The following ADAMTSL2 variants were observed in gnomAD, a reference collection of about 807,000 sequenced individuals.
ADAMTSL2 encodes the protein ADAMTS-like protein 2.
In ADAMTSL2, 55 loss-of-function variants were observed where a neutral mutation model predicts 117.0. The ratio of observed to expected loss-of-function variants is 0.47; its 90% confidence interval spans 0.38 to 0.59. The LOEUF (loss-of-function observed/expected upper bound fraction) is 0.59. Ranked by LOEUF, ADAMTSL2 falls within the 20% of genes least tolerant of loss-of-function variation. ADAMTSL2 has a pLI of 0.00. For missense variants in ADAMTSL2, 1,182 were observed against 1,354.5 expected, an observed-to-expected ratio of 0.87 and a Z score of 2.00; for synonymous variants, 572 against 566.4, an observed-to-expected ratio of 1.01 and a Z score of -0.14.
chr9:133,550,320 G>T (rs1199337268), intron 9 of ADAMTSL2, among the ~76,000 whole-genome samples: 1 of 152,258 alleles, frequency 6.6e-6, no homozygotes, highest in Non-Finnish European at 1.5e-5. Context: ...CTGCCTTTCA[G>T]CTGGCACTGT....
At position 133,537,540 on chromosome 9, in the gene ADAMTSL2, C is replaced by A. The variant is rs1380746518; in HGVS notation, c.226C>A (p.Gln76Lys). ...GVTSQERHCL[Q>K]QRRKSVPGPG... Reference sequence around the variant, plus strand: ...GACATCCCAGGAGCGGCACTGCCTGCAGCAGAGGTGCGAGGTTGGGCACGT... The same window carrying A: ...GACATCCCAGGAGCGGCACTGCCTGAAGCAGAGGTGCGAGGTTGGGCACGT... The change falls in exon 3 of 19, where the codon CAG becomes AAG. Residue 76 changes from glutamine (Q) to lysine (K), a missense_variant. Gln to Lys is a moderately conservative substitution (Grantham distance 53, BLOSUM62 1). Transcript: ENST00000651351. 5 of 1,348,530 alleles carry A rather than the reference C, an allele frequency of 3.7e-6. No homozygotes were observed. The highest frequency in any genetic ancestry group is 3.8e-6 in the Non-Finnish European group (4 of 1,041,036). The allele number at this position is 1,348,530 out of a possible 1,614,324, so 83.5% of individuals were successfully genotyped here. A position where few individuals can be genotyped will look rare whatever the true frequency, so the allele number is the denominator to read the frequency against.
In ADAMTSL2 at chr9:133,568,732, C is replaced by A. The variant is rs899110244; in HGVS notation, c.2218C>A (p.Gln740Lys). The A allele has an allele frequency of 5.6e-6, 9 of 1,613,058 alleles. No individual in the cohort carries two copies. The highest frequency in any genetic ancestry group is 7.6e-6 in the Non-Finnish European group (9 of 1,180,004). Residue 740 changes from glutamine (Q) to lysine (K), a missense_variant, in exon 15 of 19, where the codon CAG becomes AAG. By Grantham distance (53) the Gln-to-Lys change is moderately conservative (BLOSUM62 1). This residue lies in a region of ADAMTSL2 where 465 missense variants were observed against 565.3 expected (regional missense o/e 0.82). Coordinates refer to ENST00000651351, the MANE Select transcript of ADAMTSL2 (RefSeq NM_014694.4). ...KNCTGPPCDR[Q>K]WTVSDWGPCS... is the part of the protein sequence containing the mutation. ...CTGCACGGGCCCGCCCTGTGACCGG[C>A]AGTGGACCGTCTCCGACTGGGGACC...
intron 1 of ADAMTSL2, among the ~76,000 whole-genome samples, chr9:133,535,207 G>C (rs1830022533): frequency 6.6e-6 from 1 of 152,240 alleles, no homozygotes; most frequent in Admixed American, 6.5e-5. Flanking sequence ...CTGGCCAGAA[G>C]CCAGTGGTGT....
At chr9:133,572,244 G>A (rs1831125010) in intron 17 of ADAMTSL2, among the ~76,000 whole-genome samples, 2 of 151,384 alleles carry the variant, frequency 1.3e-5, no homozygotes, top group Non-Finnish European at 2.9e-5. Context: ...TCAGGAGGGA[G>A]AACACACACT....
At chr9:133,555,411 C>T (rs1242727508) in intron 10 of ADAMTSL2, 147 bp from the exon 11 acceptor site, 2 of 982,536 alleles carry the variant, frequency 2.0e-6, no homozygotes, top group Non-Finnish European at 3.0e-6. Flanking sequence ...CGAATTACGT[C>T]CTCTAGTTAG....
chr9:133,547,607 C>T (rs745412297), intron 9 of ADAMTSL2, among the ~76,000 whole-genome samples: 9 of 152,208 alleles, frequency 5.9e-5, no homozygotes, highest in Non-Finnish European at 1.2e-4. Flanking sequence ...CCGTGCTGGC[C>T]CATTTCCTGC....
intron 7 of ADAMTSL2, 146 bp downstream of exon 7, chr9:133,541,147 G>A: frequency 7.8e-7 from 1 of 1,276,262 alleles, no homozygotes; most frequent in South Asian, 1.3e-5. Flanking sequence ...CAGGCCGGGT[G>A]AGCTGGCCTG....
intron 7 of ADAMTSL2, 143 bp downstream of exon 7, chr9:133,541,144 G>A: frequency 7.6e-7 from 1 of 1,311,840 alleles, no homozygotes; most frequent in Non-Finnish European, 1.1e-6. Context: ...TCCCAGGCCG[G>A]GTGAGCTGGC....
intron 13 of ADAMTSL2, 115 bp downstream of exon 13, chr9:133,567,177 G>A (rs1426215935): frequency 2.7e-5 from 37 of 1,357,358 alleles, no homozygotes; most frequent in Admixed American, 1.8e-4. Context: ...GTGCAGGGCC[G>A]TGGGGGCTCT....
At chr9:133,562,775 T>C (rs34319746) in intron 12 of ADAMTSL2, among the ~76,000 whole-genome samples, 4,035 of 54,770 alleles carry the variant, frequency 0.074, 297 homozygotes, top group African/African-American at 0.14. Flanking sequence ...CTCGCACCGC[T>C]GTGGGCGGCG....
rs1411561277 is a variant in ADAMTSL2, at chr9:133,562,597, C to T, written c.1747+1302C>T. Among the ~76,000 whole-genome samples, 408 of 97,336 alleles carry T rather than the reference C, an allele frequency of 4.2e-3. 24 individuals carry two copies. The highest frequency in any genetic ancestry group is 6.7e-3 in the Middle Eastern group (1 of 150). 63.9% of individuals were successfully genotyped at this position (97,336 alleles called of 152,430 possible). A position where few individuals can be genotyped will look rare whatever the true frequency, so the allele number is the denominator to read the frequency against. On this transcript the variant is annotated intron_variant, in intron 12 of 18. Transcript: ENST00000651351. ...CCCTGCTGGGCCCGGCTCGCACCGC[C>T]GTGGGCGGCGTGGCGGGCACCCGGC...
At chr9:133,540,173 G>A (rs1830180846) in intron 5 of ADAMTSL2, among the ~76,000 whole-genome samples, 1 of 152,218 alleles carries the variant, frequency 6.6e-6, no homozygotes, top group African/African-American at 2.4e-5. Context: ...ACAGGAACCA[G>A]CCTAGACGAT....
At chr9:133,573,778 C>CCCCCTGCCCAGG (rs2131192025) in intron 17 of ADAMTSL2, 65 bp from the exon 18 acceptor site, 2 of 1,599,662 alleles carry the variant, frequency 1.3e-6, no homozygotes, top group East Asian at 4.5e-5. Flanking sequence ...AGGTTCCCCG[C>CCCCCTGCCCAGG]CCCCTGCCCA....
In ADAMTSL2 at chr9:133,570,486, G is replaced by T; in HGVS notation, c.2571G>T (p.Trp857Cys). 6.2e-7 allele frequency: 1 copy of T among 1,611,760 alleles called. No individual in the cohort carries two copies. The highest frequency in any genetic ancestry group is 1.1e-5 in the South Asian group (1 of 90,806). The change falls in exon 17 of 19, where the codon TGG becomes TGT. Residue 857 changes from tryptophan to cysteine, a missense_variant. By Grantham distance (215) the Trp-to-Cys change is radical (BLOSUM62 -2). Coordinates refer to ENST00000651351, the MANE Select transcript of ADAMTSL2 (RefSeq NM_014694.4). ...GTTTCGAGAGGCCCTGCTTCAAGTGGTACACCAGCCCCTGGTCAGAGGTGA... is the reference window on the plus strand; with the variant it reads ...GTTTCGAGAGGCCCTGCTTCAAGTGTTACACCAGCCCCTGGTCAGAGGTGA... Reference protein sequence around the residue: ...STCFERPCFKWYTSPWSECTK... With the variant: ...STCFERPCFKCYTSPWSECTK...
In ADAMTSL2 at chr9:133,555,608, G is replaced by A. The variant is rs1830587639; in HGVS notation, c.1327G>A (p.Val443Ile). 1.2e-6 allele frequency: 2 copies of A among 1,613,240 alleles called. No individual in the cohort carries two copies. Among genetic ancestry groups the A allele is most frequent in the South Asian group, 1.1e-5 (1 of 91,086 alleles). Residue 443 changes from valine to isoleucine, a missense_variant, in exon 11 of 19, where the codon GTT becomes ATT. Val to Ile is a conservative substitution (Grantham distance 29). Transcript: ENST00000651351. ...PLTGDKDDEEVDTHFASQEFF... is the reference protein window; with the variant it reads ...PLTGDKDDEEIDTHFASQEFF... ...CACCGGGGACAAGGATGACGAAGAG[G>A]TTGACACCCACTTCGCCTCCCAGGA...
chr9:133,537,190 A>C (rs1830072268), intron 2 of ADAMTSL2, among the ~76,000 whole-genome samples: 1 of 152,188 alleles, frequency 6.6e-6, no homozygotes, highest in Non-Finnish European at 1.5e-5. Flanking sequence ...CCTTAAGGTC[A>C]AGGAGGACCC....
At position 133,575,110 on chromosome 9, in the gene ADAMTSL2, T is replaced by G; in HGVS notation, c.*246T>G. The G allele has an allele frequency of 1.8e-6, 1 of 548,850 alleles. No homozygotes were observed. The highest frequency in any genetic ancestry group is 3.3e-6 in the Non-Finnish European group (1 of 303,088). The allele number at this position is 548,850 out of a possible 1,614,324, so 34.0% of individuals were successfully genotyped here. On this transcript the variant is annotated 3_prime_UTR_variant, in exon 19 of 19. Coordinates refer to ENST00000651351, the MANE Select transcript of ADAMTSL2 (RefSeq NM_014694.4). The stretch of plus-strand genomic sequence containing the variant: ...CCCCTGCCGTGGGAACCTGTCCGTG[T>G]TCCTGCGTGGATCCTGTGTTTGTGG...
In ADAMTSL2 at chr9:133,537,382, A is replaced by G. The variant is rs546037766; in HGVS notation, c.91-23A>G. 5.3e-6 allele frequency: 7 copies of G among 1,332,470 alleles called. No homozygotes were observed. In the Middle Eastern group the frequency reaches 1.0e-3, roughly 191 times the overall value. The allele number at this position is 1,332,470 out of a possible 1,614,324, so 82.5% of individuals were successfully genotyped here. ...CTCCTGGGCACTTGAGCCCTCTACC[A>G]TCTGGGGGTCCCTCTCACCCAGGAC... On this transcript the variant is annotated intron_variant, in intron 2 of 18. Coordinates refer to ENST00000651351, the MANE Select transcript of ADAMTSL2 (RefSeq NM_014694.4).
intron 9 of ADAMTSL2, among the ~76,000 whole-genome samples, chr9:133,551,826 T>C (rs920601147): frequency 1.4e-5 from 1 of 70,416 alleles, no homozygotes; most frequent in Non-Finnish European, 3.8e-5. Context: ...TTTTTTTTTT[T>C]TTTTTTTTTT....
Sources: allele counts gnomAD v4.1 joint callset (sites outside exome capture counted in the v4.1 genomes callset), GRCh38; gene constraint gnomAD v4.1.1; regional missense constraint gnomAD v4.1.1; transcripts MANE v1.5; gene names NCBI Gene and HGNC (gene_info 2026-07-23, HGNC 2026-07-21).